CCSER1: variants seen among roughly 807,000 people sequenced by gnomAD.
CCSER1 encodes the protein serine-rich coiled-coil domain-containing protein 1.
Under a neutral mutation model 82.0 loss-of-function variants are expected in CCSER1, and 41 were observed. The observed-to-expected ratio is 0.50, with a 90% CI of 0.39 to 0.65. The LOEUF is 0.65. Among genes scored for constraint, CCSER1 ranks in the 30% least tolerant of loss-of-function variants. CCSER1 has a pLI of 0.00. For missense variants in CCSER1, 1,119 were observed against 1,064.2 expected (o/e 1.05, Z -0.72); for synonymous variants, 414 against 383.9 (o/e 1.08, Z -0.92).
At chr4:90,403,942 C>T (rs940984858) in intron 4 of CCSER1, 1 of 152,132 alleles carries the variant, frequency 6.6e-6, no homozygotes, top group Non-Finnish European at 1.5e-5. Flanking sequence ...CAGGAACATA[C>T]CAGGAAAGCC....
At chr4:91,171,742 G>A (rs1047782615) in intron 10 of CCSER1, among the ~76,000 whole-genome samples, 10 of 151,826 alleles carry the variant, frequency 6.6e-5, no homozygotes, top group Non-Finnish European at 1.5e-4. Context: ...GGCAAAATTT[G>A]AATGTGATAT....
intron 10 of CCSER1, among the ~76,000 whole-genome samples, chr4:91,558,896 T>TGTAA (rs1185320761): frequency 1.3e-5 from 2 of 151,532 alleles, no homozygotes; most frequent in African/African-American, 4.8e-5. Flanking sequence ...TAATACTGGA[T>TGTAA]GTAAGTATTT....
chr4:90,341,483 T>C (rs1396693348), intron 3 of CCSER1, among the ~76,000 whole-genome samples: 1 of 152,096 alleles, frequency 6.6e-6, no homozygotes, highest in African/African-American at 2.4e-5. Flanking sequence ...TTAATAAACC[T>C]AGATATTTAA....
chr4:90,204,703 A>G (rs149722474), intron 1 of CCSER1, among the ~76,000 whole-genome samples: 2,411 of 152,270 alleles, frequency 0.016, 36 homozygotes, highest in African/African-American at 0.041. Flanking sequence ...TGTGAAATTT[A>G]AAGTAGTTTT....
intron 5 of CCSER1, among the ~76,000 whole-genome samples, chr4:90,517,068 C>T (rs1772386822): frequency 1.3e-5 from 2 of 152,132 alleles, no homozygotes; most frequent in South Asian, 4.1e-4. Flanking sequence ...ATCCACCTAA[C>T]CTGCCAAACA....
At chr4:90,377,581 T>G (rs932298871) in intron 3 of CCSER1, among the ~76,000 whole-genome samples, 3 of 152,130 alleles carry the variant, frequency 2.0e-5, no homozygotes, top group African/African-American at 7.2e-5. Flanking sequence ...ATCTATTAAT[T>G]TGTTGAAGAA....
intron 10 of CCSER1, among the ~76,000 whole-genome samples, chr4:91,185,619 C>A (rs1335527491): frequency 6.6e-6 from 1 of 152,348 alleles, no homozygotes; most frequent in Non-Finnish European, 1.5e-5. Context: ...CCAGGACAGG[C>A]CCCTCATGGC....
At chr4:90,617,436 C>T (rs1227566113) in intron 5 of CCSER1, among the ~76,000 whole-genome samples, 4 of 152,076 alleles carry the variant, frequency 2.6e-5, no homozygotes, top group Non-Finnish European at 4.4e-5. Flanking sequence ...CCATCCTATG[C>T]CACCAGCAAC....
intron 10 of CCSER1, among the ~76,000 whole-genome samples, chr4:91,127,824 G>A (rs1467659204): frequency 6.6e-6 from 1 of 152,044 alleles, no homozygotes; most frequent in South Asian, 2.1e-4. Context: ...CATGCCTACT[G>A]GGTGTAAGGC....
intron 10 of CCSER1, among the ~76,000 whole-genome samples, chr4:91,526,489 A>T (rs1760770881): frequency 6.6e-6 from 1 of 152,204 alleles, no homozygotes; most frequent in Non-Finnish European, 1.5e-5. Flanking sequence ...GGCCATGAAT[A>T]AATCTCTGGC....
intron 6 of CCSER1, among the ~76,000 whole-genome samples, chr4:90,719,928 A>G (rs1580136057): frequency 6.6e-6 from 1 of 152,268 alleles, no homozygotes; most frequent in South Asian, 2.1e-4. Context: ...ATTATTTGGA[A>G]TTCTTCTGAA....
At chr4:90,306,377 AG>A (rs1303290170) in intron 1 of CCSER1, among the ~76,000 whole-genome samples, 1 of 152,164 alleles carries the variant, frequency 6.6e-6, no homozygotes, top group Non-Finnish European at 1.5e-5. Context: ...TATGTATATG[AG>A]GTGATAAGTA....
rs991071018 is a variant in CCSER1 at position 90,174,676 on chromosome 4, T to A, written c.-42+46845T>A. On this transcript the variant is annotated intron_variant, in intron 1 of 10. Coordinates refer to ENST00000509176, the MANE Select transcript of CCSER1 (RefSeq NM_001145065.2). The stretch of plus-strand genomic sequence containing the variant: ...ATGCTGACATGTGCAGAGGATCCCC[T>A]TTAGGTATTCTGCTGAATACTAAGT... Among the ~76,000 whole-genome samples the A allele has an allele frequency of 4.0e-4, 61 of 152,102 alleles. 1 individual carries two copies. The highest frequency in any genetic ancestry group is 1.3e-3 in the African/African-American group (56 of 41,530).
intron 10 of CCSER1, among the ~76,000 whole-genome samples, chr4:91,130,653 CAT>C (rs1727913179): frequency 1.3e-5 from 2 of 151,776 alleles, no homozygotes; most frequent in Non-Finnish European, 2.9e-5. Context: ...TCAATTAACT[CAT>C]ATGTCTCAGC....
intron 10 of CCSER1, among the ~76,000 whole-genome samples, chr4:91,489,469 A>G (rs927958495): frequency 6.6e-6 from 1 of 152,142 alleles, no homozygotes; most frequent in Non-Finnish European, 1.5e-5. Flanking sequence ...AGTCTTTGAC[A>G]TCAGTATCTA....
chr4:90,802,473 A>G (rs1367099791), intron 7 of CCSER1, among the ~76,000 whole-genome samples: 3 of 151,774 alleles, frequency 2.0e-5, no homozygotes, highest in African/African-American at 4.8e-5. Flanking sequence ...CTGTAAATCA[A>G]TGGAATGTTA....
At chr4:90,590,265 G>C (rs1215755649) in intron 5 of CCSER1, among the ~76,000 whole-genome samples, 1 of 151,996 alleles carries the variant, frequency 6.6e-6, no homozygotes, top group Non-Finnish European at 1.5e-5. Context: ...CTGGGTGACA[G>C]AGTGAGACTC....
chr4:90,985,379 A>G (rs1452016628), intron 9 of CCSER1, among the ~76,000 whole-genome samples: 6 of 150,386 alleles, frequency 4.0e-5, no homozygotes, highest in Non-Finnish European at 7.4e-5. Context: ...TTTAGCGGTT[A>G]CTCTTAAATA....
rs543461511 is a variant in CCSER1, at chr4:91,173,490, A to C, written c.2217+87496A>C. On this transcript the variant is annotated intron_variant, in intron 10 of 10. Transcript: ENST00000509176. ...GCGCCTATAGCCCCAGCTACTCAGG[A>C]GGCTGAGGCAGGAGAATTGCTTGAA... is the stretch of plus-strand genomic sequence containing the variant. 2.7e-5 allele frequency among the ~76,000 whole-genome samples: 4 copies of C among 150,558 alleles called. No individual in the cohort carries two copies. The South Asian group carries it at 8.5e-4, about 32-fold the overall frequency.
Sources: allele counts gnomAD v4.1 joint callset (sites outside exome capture counted in the v4.1 genomes callset), GRCh38; gene constraint gnomAD v4.1.1; transcripts MANE v1.5; gene names NCBI Gene and HGNC (gene_info 2026-07-23, HGNC 2026-07-21).